Variants in ERAP2 observed in about 807,000 individuals in gnomAD.
The protein encoded by ERAP2 is leukocyte-derived arginine aminopeptidase.
In ERAP2, 118 loss-of-function variants were observed where a neutral mutation model predicts 111.1. That is an observed-to-expected ratio of 1.06 (90% confidence interval 0.92 to 1.24). ERAP2 has a LOEUF of 1.24. Ranked by LOEUF, ERAP2 falls within the 50% of genes most tolerant of loss-of-function variation. The pLI is 0.00. For synonymous variants in ERAP2, 410 were observed against 401.2 expected (o/e 1.02, Z -0.26); for missense variants, 1,131 against 1,125.8 (o/e 1.00, Z -0.07).
intron 15 of ERAP2, 126 bp downstream of exon 15, chr5:96,909,890 A>C: frequency 1.1e-6 from 1 of 917,016 alleles, no homozygotes; most frequent in South Asian, 1.8e-5. Flanking sequence ...GGGCATTACA[A>C]ACCCTGTTTC....
chr5:96,891,533 TATACAC>T (rs769841781), intron 5 of ERAP2, among the ~76,000 whole-genome samples: 1 of 85,846 alleles, frequency 1.2e-5, no homozygotes. Flanking sequence ...ATACGGTATA[TATACAC>T]ACACACACAC....
chr5:96,908,961 T>G lies in ERAP2; in HGVS notation c.2013T>G (p.Gly671=), dbSNP rs773252052. 1.9e-6 allele frequency: 3 copies of G among 1,613,852 alleles called. No individual in the cohort carries two copies. The highest frequency in any genetic ancestry group is 2.2e-5 in the South Asian group (2 of 91,016). Reference sequence around the variant, plus strand: ...CACTGACATTTGTTTTATACTTCAGTGCAGGGAGACTGACCCTAGACAAAG... The same window carrying G: ...CACTGACATTTGTTTTATACTTCAGGGCAGGGAGACTGACCCTAGACAAAG... The part of the protein sequence containing the change: ...GLIHDVFQLV[G]AGRLTLDKAL... Residue 671 remains glycine, a splice_region_variant and synonymous_variant, in exon 14 of 19, where the codon GGT becomes GGG. Transcript: ENST00000437043.
chr5:96,915,720 T>A lies in ERAP2; in HGVS notation c.2690T>A (p.Ile897Asn), dbSNP rs757190024. The change falls in exon 18 of 19, where the codon ATC becomes AAC. Residue 897 changes from isoleucine (I) to asparagine (N), a missense_variant. Coordinates refer to ENST00000437043, the MANE Select transcript of ERAP2 (RefSeq NM_022350.5). ...TTGGGCTCATATGACATAAGGATGA[T>A]CATCTCTGGCACAACAGCTCACTTT... ...FDLGSYDIRM[I>N]ISGTTAHFSS... is the part of the protein sequence containing the mutation. 4 of 1,596,280 alleles carry A rather than the reference T, an allele frequency of 2.5e-6. No individual in the cohort carries two copies. The African/African-American group carries it at 5.4e-5, about 22-fold the overall frequency.
In ERAP2 at chr5:96,880,117, T is replaced by C; in HGVS notation, c.432T>C (p.Ala144=). ...GKELKVLSYP[A]HEQIALLVPE... The stretch of plus-strand genomic sequence containing the variant: ...AACTGAAAGTTTTGAGTTACCCTGC[T>C]CATGAACAAATTGCACTGCTGGTTC... Residue 144 remains alanine (A), a synonymous_variant, in exon 2 of 19, where the codon GCT becomes GCC. Coordinates refer to ENST00000437043, the MANE Select transcript of ERAP2 (RefSeq NM_022350.5). The C allele has an allele frequency of 1.9e-6, 3 of 1,614,158 alleles. No homozygotes were observed. Among genetic ancestry groups the C allele is most frequent in the Non-Finnish European group, 2.5e-6 (3 of 1,180,014 alleles).
At position 96,903,468 on chromosome 5, in the gene ERAP2, G is replaced by C; in HGVS notation, c.1920G>C (p.Trp640Cys). ...YYIVHYEGHG[W>C]DQLITQLNQN... ...TCGTTCACTATGAGGGTCATGGATG[G>C]GACCAACTCATTACACAGCTGAATC... Residue 640 changes from tryptophan (W) to cysteine (C), a missense_variant, in exon 13 of 19, where the codon TGG becomes TGC. Trp to Cys is a radical substitution (Grantham distance 215). Around this residue, in one of 3 missense-constraint regions of ERAP2, gnomAD observed 847 missense variants for 856.5 expected, o/e 0.99. Coordinates refer to ENST00000437043, the MANE Select transcript of ERAP2 (RefSeq NM_022350.5). 1 of 1,613,964 alleles carries C rather than the reference G, an allele frequency of 6.2e-7. No homozygotes were observed. The highest frequency in any genetic ancestry group is 8.5e-7 in the Non-Finnish European group (1 of 1,179,932).
intron 15 of ERAP2, 50 bp downstream of exon 15, chr5:96,909,814 A>C: frequency 6.3e-7 from 1 of 1,576,388 alleles, no homozygotes; most frequent in Non-Finnish European, 8.7e-7. Context: ...TTTGATGTAA[A>C]AGTCTTTGAT....
chr5:96,877,011 G>C (rs1392602995), intron 1 of ERAP2, among the ~76,000 whole-genome samples: 1 of 152,140 alleles, frequency 6.6e-6, no homozygotes, highest in Non-Finnish European at 1.5e-5. Flanking sequence ...GCCTCGCTCT[G>C]TCGCCCAGGC....
chr5:96,891,381 A>ATG (rs1315513572), intron 5 of ERAP2, among the ~76,000 whole-genome samples: 1 of 150,518 alleles, frequency 6.6e-6, no homozygotes, highest in African/African-American at 2.4e-5. Flanking sequence ...GTATATATAT[A>ATG]TATATGTGTA....
chr5:96,916,840 G>A (rs1787471675), intron 18 of ERAP2, among the ~76,000 whole-genome samples: 1 of 150,848 alleles, frequency 6.6e-6, no homozygotes, highest in Non-Finnish European at 1.5e-5. Flanking sequence ...TTACCCTTTA[G>A]GCAAATTCAG....
In ERAP2 at chr5:96,889,536, C is replaced by G; in HGVS notation, c.970+231C>G. 3 of 692,642 alleles carry G rather than the reference C, an allele frequency of 4.3e-6. No individual in the cohort carries two copies. In the South Asian group the frequency reaches 5.1e-5, roughly 12 times the overall value. The allele number at this position is 692,642 out of a possible 1,614,324, so 42.9% of individuals were successfully genotyped here. On this transcript the variant is annotated intron_variant, in intron 5 of 18. Coordinates refer to ENST00000437043, the MANE Select transcript of ERAP2 (RefSeq NM_022350.5). Reference sequence around the variant, plus strand: ...ATTCTTTTATCAGGTTTAACGTTAACATATCTGCATCGAACTCTTTCCCAG... The same window carrying G: ...ATTCTTTTATCAGGTTTAACGTTAAGATATCTGCATCGAACTCTTTCCCAG...
chr5:96,917,767 A>G lies in ERAP2; in HGVS notation c.*162A>G, dbSNP rs1476866197. 7 of 440,774 alleles carry G rather than the reference A, an allele frequency of 1.6e-5. No homozygotes were observed. In the South Asian group the frequency reaches 1.8e-4, roughly 12 times the overall value. The allele number at this position is 440,774 out of a possible 1,614,324, so 27.3% of individuals were successfully genotyped here. A position where few individuals can be genotyped will look rare whatever the true frequency, so the allele number is the denominator to read the frequency against. The stretch of plus-strand genomic sequence containing the variant: ...TAAAAATACAAAAAATTAGCCGGGC[A>G]TGGTGGCAGGTGCCTGTAGTCCCAG... On this transcript the variant is annotated 3_prime_UTR_variant, in exon 19 of 19. Coordinates refer to ENST00000437043, the MANE Select transcript of ERAP2 (RefSeq NM_022350.5).
rs1785564507 is a variant in ERAP2 at position 96,902,361 on chromosome 5, A to T, written c.1828+8A>T. ...TTCTAAAATCAAAGACAGGTAATGA[A>T]CTAATTAGCCAAACAGGTATTTCAA... On this transcript the variant is annotated splice_region_variant and intron_variant, in intron 12 of 18. Coordinates refer to ENST00000437043, the MANE Select transcript of ERAP2 (RefSeq NM_022350.5). 7 of 1,577,744 alleles carry T rather than the reference A, an allele frequency of 4.4e-6. No individual in the cohort carries two copies. In the East Asian group the frequency reaches 1.6e-4, roughly 35 times the overall value.
At chr5:96,906,738 G>A (rs2549791) in intron 13 of ERAP2, among the ~76,000 whole-genome samples, 82,456 of 152,042 alleles carry the variant, frequency 0.54, 22,419 homozygotes, top group Admixed American at 0.59. Context: ...ACACCTTAAA[G>A]AGAAAACCCC....
intron 17 of ERAP2, among the ~76,000 whole-genome samples, chr5:96,914,204 A>C (rs1245877592): frequency 6.6e-6 from 1 of 151,608 alleles, no homozygotes; most frequent in Non-Finnish European, 1.5e-5. Context: ...GCCATTCCTC[A>C]TCCAAATCTA....
intron 13 of ERAP2, 136 bp from the exon 14 acceptor site, chr5:96,908,825 C>T: frequency 1.1e-6 from 1 of 872,548 alleles, no homozygotes; most frequent in Non-Finnish European, 1.7e-6. Context: ...AGTGGCAGAG[C>T]TAAGATTTAA....
rs139459269 is a variant in ERAP2 at position 96,909,699 on chromosome 5, T to C, written c.2289T>C (p.His763=). The part of the protein sequence containing the change: ...ALLKLACDLN[H]APCIQKAAEL... ...TGAAGCTGGCCTGTGACCTGAACCA[T>C]GCTCCTTGCATCCAGAAAGCTGCTG... is the stretch of plus-strand genomic sequence containing the variant. The change falls in exon 15 of 19, where the codon CAT becomes CAC. Residue 763 remains histidine, a synonymous_variant. Transcript: ENST00000437043. 3.7e-6 allele frequency: 6 copies of C among 1,614,100 alleles called. No homozygotes were observed. Among genetic ancestry groups the C allele is most frequent in the African/African-American group, 2.7e-5 (2 of 74,944 alleles).
chr5:96,909,992 G>A, intron 15 of ERAP2: 1 of 424,822 alleles, frequency 2.4e-6, no homozygotes, highest in Non-Finnish European at 4.3e-6. Flanking sequence ...CTGGCTGGAT[G>A]CAGTGGCCCA....
Position 96,896,804 on chromosome 5 carries a change from T to C in ERAP2, c.1444T>C (p.Leu482=). The change falls in exon 9 of 19, where the codon TTA becomes CTA. Residue 482 remains leucine, a synonymous_variant. Coordinates refer to ENST00000437043, the MANE Select transcript of ERAP2 (RefSeq NM_022350.5). ...ATTCCAGAAAGGAATAATTCAGTACTTAAAGAAGTTCAGCTATAGAAATGC... is the reference window on the plus strand; with the variant it reads ...ATTCCAGAAAGGAATAATTCAGTACCTAAAGAAGTTCAGCTATAGAAATGC... ...EKFQKGIIQY[L]KKFSYRNAKN... is the part of the protein sequence containing the mutation. The C allele has an allele frequency of 6.2e-7, 1 of 1,605,922 alleles. No homozygotes were observed. The highest frequency in any genetic ancestry group is 2.2e-5 in the East Asian group (1 of 44,612).
chr5:96,908,960 G>T lies in ERAP2; in HGVS notation c.2013-1G>T, dbSNP rs772251502. On this transcript the variant is annotated splice_acceptor_variant, in intron 13 of 18. Coordinates refer to ENST00000437043, the MANE Select transcript of ERAP2 (RefSeq NM_022350.5). LOFTEE classifies it high-confidence loss of function. ...CCACTGACATTTGTTTTATACTTCA[G>T]TGCAGGGAGACTGACCCTAGACAAA... 3 of 1,613,760 alleles carry T rather than the reference G, an allele frequency of 1.9e-6. No individual in the cohort carries two copies.
Sources: gnomAD v4.1 joint callset for allele counts (sites outside exome capture counted in the v4.1 genomes callset) on GRCh38, gnomAD v4.1.1 for gene constraint, gnomAD v4.1.1 regional missense constraint, MANE v1.5 for transcripts, NCBI Gene and HGNC (gene_info 2026-07-23, HGNC 2026-07-21) for gene names.